The following SLIT1 variants were observed in gnomAD, a reference collection of about 807,000 sequenced individuals.
SLIT1 encodes the protein slit homolog 1 protein.
SLIT1 carries 66 observed loss-of-function variants against 186.1 expected under a neutral mutation model. The observed-to-expected ratio is 0.35, with a 90% CI of 0.29 to 0.44. The LOEUF (loss-of-function observed/expected upper bound fraction) is 0.44. Among genes scored for constraint, SLIT1 ranks in the 20% least tolerant of loss-of-function variants. The pLI is 1.00. For synonymous variants in SLIT1, 761 were observed against 833.8 expected, an observed-to-expected ratio of 0.91 and a Z score of 1.50; for missense variants, 1,638 against 2,037.4, an observed-to-expected ratio of 0.80 and a Z score of 3.77.
intron 3 of SLIT1, 80 bp downstream of exon 3, chr10:97,163,300 T>A (rs1589417363): frequency 7.9e-7 from 1 of 1,259,010 alleles, no homozygotes; most frequent in African/African-American, 1.5e-5. Flanking sequence ...GTGCCCCTCA[T>A]CCCTGGCAGC....
At chr10:97,053,615 C>A (rs1358573893) in intron 13 of SLIT1, among the ~76,000 whole-genome samples, 3 of 152,074 alleles carry the variant, frequency 2.0e-5, no homozygotes, top group African/African-American at 7.3e-5. Flanking sequence ...ACAATGGACA[C>A]AATAATATTA....
Position 97,031,586 on chromosome 10 carries a change from T to C in SLIT1, c.2510+20A>G. 1 of 1,545,950 alleles carries C rather than the reference T, an allele frequency of 6.5e-7. No homozygotes were observed. Among genetic ancestry groups the C allele is most frequent in the Non-Finnish European group, 8.8e-7 (1 of 1,142,550 alleles). On this transcript the variant is annotated intron_variant, in intron 24 of 36. Coordinates refer to ENST00000266058, the MANE Select transcript of SLIT1 (RefSeq NM_003061.3). ...CAGTGGGGTGGATTTTCTGGCAGGA[T>C]GGTGAGTGAGGAGACTTACAGCAGG...
intron 4 of SLIT1, among the ~76,000 whole-genome samples, chr10:97,139,776 T>C (rs1708606346): frequency 6.6e-6 from 1 of 152,114 alleles, no homozygotes; most frequent in African/African-American, 2.4e-5. Context: ...TATCTTTGGG[T>C]CCCCTACAAG....
intron 4 of SLIT1, among the ~76,000 whole-genome samples, chr10:97,069,531 C>T (rs1395835009): frequency 6.6e-6 from 1 of 152,100 alleles, no homozygotes; most frequent in African/African-American, 2.4e-5. Context: ...AGCAGTACTG[C>T]CAAAGAGATG....
chr10:97,064,171 G>T lies in SLIT1; in HGVS notation c.626C>A (p.Thr209Asn), dbSNP rs1412142239. The T allele has an allele frequency of 1.2e-6, 2 of 1,612,668 alleles. No individual in the cohort carries two copies. The highest frequency in any genetic ancestry group is 2.7e-5 in the African/African-American group (2 of 74,902). The change falls in exon 7 of 37, where the codon ACC becomes AAC. Residue 209 changes from threonine (T) to asparagine (N), a missense_variant. This residue lies in a region of SLIT1 where 1,245 missense variants were observed against 1,535.3 expected (regional missense o/e 0.81). Transcript: ENST00000266058. ...CCAGCTGCCCCGGCTGACTCACAAG[G>T]TCCGTAGCTTGGGCATATGGTTGAA... ...SSFNHMPKLR[T>N]FRLHSNHLFC...
chr10:97,133,719 A>G (rs553285844), intron 4 of SLIT1, among the ~76,000 whole-genome samples: 1 of 152,340 alleles, frequency 6.6e-6, no homozygotes, highest in Admixed American at 6.5e-5. Context: ...CTATTTTGCA[A>G]GTAGATTACA....
chr10:97,139,756 AG>A (rs1849739455), intron 4 of SLIT1, among the ~76,000 whole-genome samples: 1 of 152,194 alleles, frequency 6.6e-6, no homozygotes, highest in Admixed American at 6.5e-5. Context: ...CTGGATGAAT[AG>A]GAAAACCCTA....
chr10:97,179,965 C>T (rs1850312443), intron 1 of SLIT1, among the ~76,000 whole-genome samples: 1 of 152,340 alleles, frequency 6.6e-6, no homozygotes, highest in Middle Eastern at 3.4e-3. Flanking sequence ...GAACTGGAGG[C>T]GGCAACTCCG....
At chr10:97,066,784 A>G (rs1204257943) in intron 4 of SLIT1, among the ~76,000 whole-genome samples, 1 of 152,194 alleles carries the variant, frequency 6.6e-6, no homozygotes, top group Non-Finnish European at 1.5e-5. Context: ...TTATAGCAAT[A>G]CAAGAACAGC....
At chr10:97,092,527 T>G (rs1017510095) in intron 4 of SLIT1, among the ~76,000 whole-genome samples, 4 of 152,220 alleles carry the variant, frequency 2.6e-5, no homozygotes, top group African/African-American at 9.7e-5. Context: ...CCTATATACC[T>G]ACATGAATGC....
Position 97,030,777 on chromosome 10 carries a change from G to A in SLIT1, c.2562C>T (p.Asp854=), listed in dbSNP as rs150824410. 6.2e-5 allele frequency: 100 copies of A among 1,613,880 alleles called. No homozygotes were observed. The highest frequency in any genetic ancestry group is 7.7e-5 in the Non-Finnish European group (91 of 1,179,922). Reference sequence around the variant, plus strand: ...CTCACAGGTGAGACAGGGAGGTCACGTCTGCAAAGATGCCCTCTTGGAGGG... The same window carrying A: ...CTCACAGGTGAGACAGGGAGGTCACATCTGCAAAGATGCCCTCTTGGAGGG... The part of the protein sequence containing the change: ...ISTLQEGIFA[D]VTSLSHLAIG... The change falls in exon 25 of 37, where the codon GAC becomes GAT. Residue 854 remains aspartate (D), a synonymous_variant. Coordinates refer to ENST00000266058, the MANE Select transcript of SLIT1 (RefSeq NM_003061.3).
At chr10:97,108,045 G>A (rs1849430802) in intron 4 of SLIT1, among the ~76,000 whole-genome samples, 1 of 152,234 alleles carries the variant, frequency 6.6e-6, no homozygotes, top group Non-Finnish European at 1.5e-5. Flanking sequence ...GCCCCGGGGT[G>A]TCTGCCCCAG....
At chr10:97,120,779 A>G (rs1183869517) in intron 4 of SLIT1, among the ~76,000 whole-genome samples, 1 of 152,062 alleles carries the variant, frequency 6.6e-6, no homozygotes, top group Non-Finnish European at 1.5e-5. Context: ...ACTTTGCCTC[A>G]TTGCTCCATG....
chr10:97,166,753 T>C (rs987269364), intron 1 of SLIT1, among the ~76,000 whole-genome samples: 2 of 152,148 alleles, frequency 1.3e-5, no homozygotes, highest in African/African-American at 4.8e-5. Flanking sequence ...CAGCAACACA[T>C]AGATTCCTTT....
intron 4 of SLIT1, among the ~76,000 whole-genome samples, chr10:97,137,370 A>AT (rs1849712629): frequency 6.6e-6 from 1 of 152,208 alleles, no homozygotes; most frequent in South Asian, 2.1e-4. Context: ...ATCTACAAAT[A>AT]ATCAGAAAAC....
rs765128012 is a variant in SLIT1, at chr10:97,021,419, CA to C, written c.2583-7del. On this transcript the variant is annotated splice_polypyrimidine_tract_variant and splice_region_variant and intron_variant, in intron 25 of 36. Coordinates refer to ENST00000266058, the MANE Select transcript of SLIT1 (RefSeq NM_003061.3). The surrounding 1 kb of genome is among the most constrained non-coding windows in gnomAD (Gnocchi z 4.5). Reference sequence around the variant, plus strand: ...GGGGGTTGGCACCAATGGCCCTGAGCAGAAAGCAGAGAGAAGCAGGCATTAC... The same window carrying C: ...GGGGGTTGGCACCAATGGCCCTGAGCGAAAGCAGAGAGAAGCAGGCATTAC... The C allele has an allele frequency of 1.2e-5, 19 of 1,611,262 alleles. No individual in the cohort carries two copies. Among genetic ancestry groups the C allele is most frequent in the Non-Finnish European group, 1.6e-5 (19 of 1,178,274 alleles).
chr10:97,058,205 C>T (rs2134635005), intron 11 of SLIT1: 1 of 636,422 alleles, frequency 1.6e-6, no homozygotes. Flanking sequence ...AGAAACACCC[C>T]TCAAGCTGCT....
intron 5 of SLIT1, chr10:97,065,586 A>G (rs1410999610): frequency 5.8e-6 from 1 of 172,316 alleles, no homozygotes; most frequent in African/African-American, 2.4e-5. Context: ...AGATCTTAGT[A>G]TCCCCATTTT....
chr10:97,049,248 C>A, intron 13 of SLIT1, 130 bp from the exon 14 acceptor site: 5 of 1,085,882 alleles, frequency 4.6e-6, no homozygotes, highest in African/African-American at 1.6e-5. Flanking sequence ...GGGTCAGCCA[C>A]GGGGGGAAAG....
Sources: allele counts gnomAD v4.1 joint callset (sites outside exome capture counted in the v4.1 genomes callset), GRCh38; gene constraint gnomAD v4.1.1; regional missense constraint gnomAD v4.1.1; non-coding constraint Gnocchi (gnomAD v3.1); transcripts MANE v1.5; gene names NCBI Gene and HGNC (gene_info 2026-07-23, HGNC 2026-07-21).